Variants in ST18 observed in about 807,000 individuals in gnomAD.
ST18 encodes the protein ST18 C2H2C-type zinc finger transcription factor.
Under a neutral mutation model 110.0 loss-of-function variants are expected in ST18, and 50 were observed. That is an observed-to-expected ratio of 0.45 (90% CI 0.36 to 0.58). The LOEUF (loss-of-function observed/expected upper bound fraction) is 0.58, where lower values mean the gene tolerates loss of function less well. Ranked by LOEUF, ST18 falls within the 20% of genes least tolerant of loss-of-function variation. The pLI is 0.00. For synonymous variants in ST18, 461 were observed against 452.4 expected, an observed-to-expected ratio of 1.02 and a Z score of -0.24; for missense variants, 1,306 against 1,280.1, an observed-to-expected ratio of 1.02 and a Z score of -0.31.
At chr8:52,335,222 CA>C (rs1287396513) in intron 2 of ST18, among the ~76,000 whole-genome samples, 4 of 152,102 alleles carry the variant, frequency 2.6e-5, no homozygotes, top group Non-Finnish European at 4.4e-5. Context: ...CTACCTGAAA[CA>C]AAGTAAAATT....
At chr8:52,330,077 A>G (rs1339730785) in intron 2 of ST18, among the ~76,000 whole-genome samples, 1 of 152,204 alleles carries the variant, frequency 6.6e-6, no homozygotes, top group Non-Finnish European at 1.5e-5. Flanking sequence ...TGGGCAAAAA[A>G]CATTAAAAAT....
At chr8:52,161,307 C>T in intron 14 of ST18, 68 bp downstream of exon 14, 1 of 1,517,224 alleles carries the variant, frequency 6.6e-7, no homozygotes, top group Non-Finnish European at 8.9e-7. Context: ...CCCCCTGGCC[C>T]CCAGTACACA....
intron 2 of ST18, among the ~76,000 whole-genome samples, chr8:52,347,419 C>G (rs9643471): frequency 1.3e-5 from 2 of 151,924 alleles, no homozygotes; most frequent in African/African-American, 4.8e-5. Flanking sequence ...CAGGGTGTTG[C>G]TAGAGAATGG....
chr8:52,255,407 T>C (rs1564344108), intron 2 of ST18, among the ~76,000 whole-genome samples: 1 of 152,202 alleles, frequency 6.6e-6, no homozygotes, highest in Non-Finnish European at 1.5e-5. Context: ...CAAGCCCTTT[T>C]ACGTCTTAAA....
chr8:52,198,011 ATTTG>A (rs147773827), intron 8 of ST18, among the ~76,000 whole-genome samples: 5,087 of 152,000 alleles, frequency 0.033, 135 homozygotes, highest in Non-Finnish European at 0.05. Flanking sequence ...TGGCTGTTTT[ATTTG>A]TTTGTTTGTT....
At chr8:52,170,832 G>A (rs1018331758) in intron 10 of ST18, among the ~76,000 whole-genome samples, 1 of 152,196 alleles carries the variant, frequency 6.6e-6, no homozygotes, top group African/African-American at 2.4e-5. Flanking sequence ...TTGCAGGTGA[G>A]TGCTAAAATG....
intron 15 of ST18, among the ~76,000 whole-genome samples, chr8:52,156,390 T>A (rs1279811038): frequency 6.6e-6 from 1 of 152,166 alleles, no homozygotes; most frequent in Non-Finnish European, 1.5e-5. Flanking sequence ...ACTCAAGAGA[T>A]CCTTGGATTT....
Position 52,149,917 on chromosome 8 carries a change from T to C in ST18, c.1867A>G (p.Ile623Val). The C allele has an allele frequency of 1.2e-6, 2 of 1,614,118 alleles. No homozygotes were observed. Among genetic ancestry groups the C allele is most frequent in the Non-Finnish European group, 1.7e-6 (2 of 1,180,006 alleles). The change falls in exon 16 of 26, where the codon ATC (isoleucine) becomes GTC (valine). Residue 623 changes from isoleucine to valine, a missense_variant. Ile to Val is a conservative substitution (Grantham distance 29). Coordinates refer to ENST00000689386, the MANE Select transcript of ST18 (RefSeq NM_001352837.2). Reference protein sequence around the residue: ...TLDLSMKKNRILDKSAPLTSS... With the variant: ...TLDLSMKKNRVLDKSAPLTSS... ...GTTAGGGGTGCAGACTTGTCCAGGA[T>C]TCGATTTTTTTTCATGCTTAAGTCC...
In ST18 at chr8:52,315,456, T is replaced by C. The variant is rs543562165; in HGVS notation, c.-464-85379A>G. ...ATGTCCCTTCAAGGAGGCCAACTTG[T>C]ATATTTCTATTGAAAATTGTAGCCC... On this transcript the variant is annotated intron_variant, in intron 2 of 25. Transcript: ENST00000689386. Among the ~76,000 whole-genome samples the C allele has an allele frequency of 1.1e-4, 16 of 152,356 alleles. No homozygotes were observed. In the South Asian group the frequency reaches 3.3e-3, roughly 32 times the overall value.
chr8:52,370,594 G>C (rs1000844150), intron 2 of ST18, among the ~76,000 whole-genome samples: 3 of 152,148 alleles, frequency 2.0e-5, no homozygotes, highest in Admixed American at 2.0e-4. Flanking sequence ...ATAACTACAA[G>C]TATACAGATT....
intron 8 of ST18, among the ~76,000 whole-genome samples, chr8:52,195,880 A>T (rs1262022359): frequency 6.6e-6 from 1 of 152,230 alleles, no homozygotes; most frequent in Non-Finnish European, 1.5e-5. Flanking sequence ...GAAATGCCAC[A>T]ATAATGGGGG....
In ST18 at chr8:52,148,970, T is replaced by C. The variant is rs147000869; in HGVS notation, c.2052+762A>G. ...ACAACTTCCCTGACAAAGAGCAAAATAGGACTGACTTACTGTAATAATTAA... is the reference window on the plus strand; with the variant it reads ...ACAACTTCCCTGACAAAGAGCAAAACAGGACTGACTTACTGTAATAATTAA... On this transcript the variant is annotated intron_variant, in intron 16 of 25. Transcript: ENST00000689386. Among the ~76,000 whole-genome samples, 958 of 152,206 alleles carry C rather than the reference T, an allele frequency of 6.3e-3. 9 individuals carry two copies. The highest frequency in any genetic ancestry group is 0.022 in the African/African-American group (918 of 41,522).
intron 2 of ST18, among the ~76,000 whole-genome samples, chr8:52,252,478 G>A (rs1043666607): frequency 4.0e-5 from 6 of 150,424 alleles, no homozygotes; most frequent in Non-Finnish European, 7.4e-5. Flanking sequence ...ACTGGTTCAT[G>A]TTATAGTAGA....
chr8:52,279,602 C>G (rs967955919), intron 2 of ST18, among the ~76,000 whole-genome samples: 3 of 151,970 alleles, frequency 2.0e-5, no homozygotes, highest in African/African-American at 4.8e-5. Flanking sequence ...AGTAAAAATA[C>G]AGAATACTTA....
At chr8:52,143,483 CA>C (rs111472492) in intron 16 of ST18, among the ~76,000 whole-genome samples, 3 of 148,866 alleles carry the variant, frequency 2.0e-5, no homozygotes, top group East Asian at 2.0e-4. Flanking sequence ...GACTCCGTCT[CA>C]AAAAAAAAGA....
intron 2 of ST18, among the ~76,000 whole-genome samples, chr8:52,338,755 T>A (rs1344874619): frequency 1.3e-5 from 2 of 152,038 alleles, no homozygotes; most frequent in East Asian, 1.9e-4. Context: ...TCTTTTTTTT[T>A]AAAGATAATG....
chr8:52,399,122 T>C (rs1195710321), intron 2 of ST18, among the ~76,000 whole-genome samples: 1 of 152,118 alleles, frequency 6.6e-6, no homozygotes, highest in Admixed American at 6.5e-5. Context: ...TGATTTGTTA[T>C]TGGTAAATTC....
rs193301452 is a variant in ST18 at position 52,133,357 on chromosome 8, G to A, written c.2301-56C>T. 113 of 1,585,330 alleles carry A rather than the reference G, an allele frequency of 7.1e-5. 2 individuals carry two copies. In the African/African-American group the frequency reaches 1.2e-3, roughly 16 times the overall value. On this transcript the variant is annotated intron_variant, in intron 19 of 25. Coordinates refer to ENST00000689386, the MANE Select transcript of ST18 (RefSeq NM_001352837.2). ...AGAAGTTGTAGTTGGGGGAGTGGGG[G>A]TCACACTCAAGTTATTTAGGTTCTT...
intron 2 of ST18, among the ~76,000 whole-genome samples, chr8:52,356,241 G>A (rs1822686156): frequency 6.6e-6 from 1 of 152,130 alleles, no homozygotes; most frequent in South Asian, 2.1e-4. Context: ...TTAAAGGAGT[G>A]TCCCAATACC....
Sources: gnomAD v4.1 joint callset for allele counts (sites outside exome capture counted in the v4.1 genomes callset) on GRCh38, gnomAD v4.1.1 for gene constraint, MANE v1.5 for transcripts, NCBI Gene and HGNC (gene_info 2026-07-23, HGNC 2026-07-21) for gene names.